ZNF512B: variants seen among roughly 807,000 people sequenced by gnomAD.
ZNF512B encodes the protein zinc finger protein 512B.
In ZNF512B, 22 loss-of-function variants were observed where a neutral mutation model predicts 87.8. The observed-to-expected ratio is 0.25, with a 90% CI of 0.18 to 0.36. ZNF512B has a LOEUF of 0.36. ZNF512B is among the 10% of genes least tolerant of loss of function. The pLI is 1.00. For missense variants in ZNF512B, 1,060 were observed against 1,231.6 expected (o/e 0.86, Z 2.09); for synonymous variants, 524 against 490.9 (o/e 1.07, Z -0.89).
Position 63,960,167 on chromosome 20 carries a change from C to T in ZNF512B, c.2428-28G>A, listed in dbSNP as rs748360532. On this transcript the variant is annotated intron_variant, in intron 16 of 16. Coordinates refer to ENST00000369888, the MANE Select transcript of ZNF512B (RefSeq NM_020713.3). ...GGGGAGAGAAAAGCGCTGATGAAGA[C>T]CTGGGACTGGATGCTGAGCACCTGA... 14 of 1,610,908 alleles carry T rather than the reference C, an allele frequency of 8.7e-6. No homozygotes were observed. The East Asian group carries it at 2.2e-4, about 26-fold the overall frequency.
At chr20:63,964,238 G>A in intron 7 of ZNF512B, 21 bp from the exon 8 acceptor site, 2 of 1,608,294 alleles carry the variant, frequency 1.2e-6, no homozygotes, top group African/African-American at 1.3e-5. Flanking sequence ...ACATGGGGTG[G>A]AGAGAAACAG....
Position 63,958,695 on chromosome 20 carries a change from G to C in ZNF512B, c.*1193C>G, listed in dbSNP as rs1240045013. Reference sequence around the variant, plus strand: ...GACCCCTGCCCTACCTATAGACCCAGCCGTCCTCAGGGCCACAAAGGGGCA... The same window carrying C: ...GACCCCTGCCCTACCTATAGACCCACCCGTCCTCAGGGCCACAAAGGGGCA... On this transcript the variant is annotated 3_prime_UTR_variant, in exon 17 of 17. Coordinates refer to ENST00000369888, the MANE Select transcript of ZNF512B (RefSeq NM_020713.3). The C allele has an allele frequency of 6.6e-6, 1 of 152,260 alleles. No homozygotes were observed. Among genetic ancestry groups the C allele is most frequent in the African/African-American group, 2.4e-5 (1 of 41,426 alleles). 9.4% of individuals were successfully genotyped at this position (152,260 alleles called of 1,614,324 possible).
At chr20:63,960,768 T>C (rs1240413528) in intron 16 of ZNF512B, among the ~76,000 whole-genome samples, 1 of 132,434 alleles carries the variant, frequency 7.6e-6, no homozygotes, top group Admixed American at 7.6e-5. Flanking sequence ...GCAGCAGGGC[T>C]GGACACAGCC....
At chr20:63,968,154 G>A (rs1016509053) in intron 1 of ZNF512B, among the ~76,000 whole-genome samples, 2 of 152,226 alleles carry the variant, frequency 1.3e-5, no homozygotes, top group African/African-American at 4.8e-5. Context: ...GGTCTCCCCA[G>A]ATAACCCAGG....
At position 63,962,389 on chromosome 20, in the gene ZNF512B, G is replaced by A. The variant is rs2058862878; in HGVS notation, c.2164-15C>T. 2 of 1,606,082 alleles carry A rather than the reference G, an allele frequency of 1.2e-6. No homozygotes were observed. The highest frequency in any genetic ancestry group is 1.7e-6 in the Non-Finnish European group (2 of 1,177,476). On this transcript the variant is annotated splice_polypyrimidine_tract_variant and intron_variant, in intron 13 of 16. Coordinates refer to ENST00000369888, the MANE Select transcript of ZNF512B (RefSeq NM_020713.3). Reference sequence around the variant, plus strand: ...GTGTAGTTGAGCTGTGAATTCGACAGCACCAGGGTGAGCCTGAGGCCAGAA... The same window carrying A: ...GTGTAGTTGAGCTGTGAATTCGACAACACCAGGGTGAGCCTGAGGCCAGAA...
Position 63,967,870 on chromosome 20 carries a change from C to G in ZNF512B, c.81G>C (p.Lys27Asn). The change falls in exon 2 of 17, where the codon AAG becomes AAC. Residue 27 changes from lysine (K) to asparagine (N), a missense_variant. Around this residue, in one of 9 missense-constraint regions of ZNF512B, gnomAD observed 134 missense variants for 153.6 expected, o/e 0.87. Coordinates refer to ENST00000369888, the MANE Select transcript of ZNF512B (RefSeq NM_020713.3). Reference sequence around the variant, plus strand: ...CATGCAGCATTGGAAGTCGGACCTCCTTTCGGCTGCCATCCTTCCCGGGAC... The same window carrying G: ...CATGCAGCATTGGAAGTCGGACCTCGTTTCGGCTGCCATCCTTCCCGGGAC... ...KSGPGKDGSR[K>N]EVRLPMLHDP... is the part of the protein sequence containing the mutation. The G allele has an allele frequency of 6.2e-7, 1 of 1,613,500 alleles. No homozygotes were observed. Among genetic ancestry groups the G allele is most frequent in the Non-Finnish European group, 8.5e-7 (1 of 1,179,880 alleles).
In ZNF512B at chr20:63,961,395, C is replaced by T; in HGVS notation, c.2341G>A (p.Ala781Thr). The T allele has an allele frequency of 6.2e-7, 1 of 1,611,956 alleles. No individual in the cohort carries two copies. The highest frequency in any genetic ancestry group is 8.5e-7 in the Non-Finnish European group (1 of 1,179,930). Residue 781 changes from alanine to threonine, a missense_variant, in exon 16 of 17, where the codon GCA becomes ACA. Physicochemically the swap from Ala to Thr is moderately conservative, Grantham distance 58. This residue lies in a region of ZNF512B where 253 missense variants were observed against 259.2 expected (regional missense o/e 0.98). Coordinates refer to ENST00000369888, the MANE Select transcript of ZNF512B (RefSeq NM_020713.3). The surrounding 1 kb of genome is among the most constrained non-coding windows in gnomAD (Gnocchi z 6.4). ...LASCSKGAHL[A>T]GKYRCLLCPK... ...CACAGCAGACAGCGGTACTTCCCTG[C>T]CAGGTGGGCCCCCTGCAATGCATAG...
chr20:63,959,393 G>A lies in ZNF512B; in HGVS notation c.*495C>T, dbSNP rs2058825958. ...AGGGGTCTGTCCTGGGAGGTAGCTG[G>A]GGGTGCTGGAGTTCCAGTGTTGGGT... On this transcript the variant is annotated 3_prime_UTR_variant, in exon 17 of 17. Coordinates refer to ENST00000369888, the MANE Select transcript of ZNF512B (RefSeq NM_020713.3). 6.1e-6 allele frequency: 1 copy of A among 163,810 alleles called. No homozygotes were observed. Among genetic ancestry groups the A allele is most frequent in the Admixed American group, 6.3e-5 (1 of 15,948 alleles). 10.1% of individuals were successfully genotyped at this position (163,810 alleles called of 1,614,324 possible). A position where few individuals can be genotyped will look rare whatever the true frequency, so the allele number is the denominator to read the frequency against.
At position 63,966,541 on chromosome 20, in the gene ZNF512B, T is replaced by TGCCAATGGGTTTGCTGAC. The variant is rs1365967868; in HGVS notation, c.616_633dup (p.Val206_Gly211dup). 6.2e-7 allele frequency: 1 copy of TGCCAATGGGTTTGCTGAC among 1,613,788 alleles called. No individual in the cohort carries two copies. Among genetic ancestry groups the TGCCAATGGGTTTGCTGAC allele is most frequent in the African/African-American group, 1.3e-5 (1 of 74,874 alleles). Reference sequence around the variant, plus strand: ...CTGCCGACCGAGACTGGCTTGCTGATGCCAATGGGTTTGCTGACACCCACA... The same window carrying TGCCAATGGGTTTGCTGAC: ...CTGCCGACCGAGACTGGCTTGCTGATGCCAATGGGTTTGCTGACGCCAATGGGTTTGCTGACACCCACA... On this transcript the variant is annotated inframe_insertion, in exon 5 of 17. Coordinates refer to ENST00000369888, the MANE Select transcript of ZNF512B (RefSeq NM_020713.3).
At chr20:63,962,223 T>C (rs1318045135) in intron 14 of ZNF512B, 50 bp downstream of exon 14, 1 of 1,541,790 alleles carries the variant, frequency 6.5e-7, no homozygotes, top group East Asian at 2.2e-5. Context: ...ACACCCAGGC[T>C]CTGGCCCTGT....
At chr20:63,969,756 G>A (rs1272175517) in intron 1 of ZNF512B, 58 bp downstream of exon 1, 1 of 144,296 alleles carries the variant, frequency 6.9e-6, no homozygotes, top group African/African-American at 2.5e-5. Flanking sequence ...GAGATCCGGG[G>A]CGCGGTGGGC....
At position 63,962,749 on chromosome 20, in the gene ZNF512B, C is replaced by T. The variant is rs1569195045; in HGVS notation, c.2001G>A (p.Glu667=). 2 of 1,603,404 alleles carry T rather than the reference C, an allele frequency of 1.2e-6. No homozygotes were observed. The highest frequency in any genetic ancestry group is 1.7e-6 in the Non-Finnish European group (2 of 1,175,750). Reference sequence around the variant, plus strand: ...GCTCCACACCCAGCGGGTCCTCAGCCTCAGGGGACTTGTCTGTGGGCTCCT... The same window carrying T: ...GCTCCACACCCAGCGGGTCCTCAGCTTCAGGGGACTTGTCTGTGGGCTCCT... ...PPEEPTDKSP[E]AEDPLGVERT... is the part of the protein sequence containing the mutation. The change falls in exon 13 of 17, where the codon GAG becomes GAA. Residue 667 remains glutamate, a synonymous_variant. Transcript: ENST00000369888.
In ZNF512B at chr20:63,967,578, G is replaced by A. The variant is rs1601488043; in HGVS notation, c.122-55C>T. 19 of 1,533,202 alleles carry A rather than the reference G, an allele frequency of 1.2e-5. No individual in the cohort carries two copies. The South Asian group carries it at 1.6e-4, about 13-fold the overall frequency. 95.0% of individuals were successfully genotyped at this position (1,533,202 alleles called of 1,614,324 possible). A position where few individuals can be genotyped will look rare whatever the true frequency, so the allele number is the denominator to read the frequency against. On this transcript the variant is annotated intron_variant, in intron 2 of 16. Coordinates refer to ENST00000369888, the MANE Select transcript of ZNF512B (RefSeq NM_020713.3). Reference sequence around the variant, plus strand: ...AGCTGTGTAGCACCGCCTACCACCGGCGGCTGCACAGGCCCACAGTGAGCA... The same window carrying A: ...AGCTGTGTAGCACCGCCTACCACCGACGGCTGCACAGGCCCACAGTGAGCA...
In ZNF512B at chr20:63,963,927, A is replaced by G; in HGVS notation, c.1481-14T>C. 6.2e-7 allele frequency: 1 copy of G among 1,607,672 alleles called. No individual in the cohort carries two copies. Among genetic ancestry groups the G allele is most frequent in the Non-Finnish European group, 8.5e-7 (1 of 1,179,898 alleles). On this transcript the variant is annotated splice_polypyrimidine_tract_variant and intron_variant, in intron 8 of 16. Transcript: ENST00000369888. ...CTTCAGGGCCACCTGTGGGTAAGGCAGGGGCCTCGAAGGCTTGTGGGGGCT... is the reference window on the plus strand; with the variant it reads ...CTTCAGGGCCACCTGTGGGTAAGGCGGGGGCCTCGAAGGCTTGTGGGGGCT...
In ZNF512B at chr20:63,963,431, C is replaced by T. The variant is rs942789892; in HGVS notation, c.1708G>A (p.Ala570Thr). ...MAEHSAKPSD[A>T]EASEGGEQEE... ...TGCTCGCCCCCTTCGGAGGCCTCGG[C>T]GTCAGAGGGCTGGGGACAGGGTGAG... The change falls in exon 11 of 17, where the codon GCC becomes ACC. Residue 570 changes from alanine (A) to threonine (T), a missense_variant. Coordinates refer to ENST00000369888, the MANE Select transcript of ZNF512B (RefSeq NM_020713.3). 22 of 1,547,808 alleles carry T rather than the reference C, an allele frequency of 1.4e-5. No homozygotes were observed. Among genetic ancestry groups the T allele is most frequent in the Admixed American group, 1.9e-5 (1 of 51,788 alleles).
intron 16 of ZNF512B, among the ~76,000 whole-genome samples, chr20:63,960,721 G>A (rs1601472411): frequency 9.1e-5 from 11 of 120,274 alleles, no homozygotes; most frequent in East Asian, 2.9e-4. Flanking sequence ...GCACCTGCAG[G>A]GGGCTGGACA....
rs956603739 is a variant in ZNF512B, at chr20:63,962,475, CG to C, written c.2164-102del. The C allele has an allele frequency of 1.9e-6, 3 of 1,546,018 alleles. No homozygotes were observed. In the African/African-American group the frequency reaches 4.1e-5, roughly 21 times the overall value. ...AGCAGGCGACACTCGCCGCAGATGG[CG>C]GGGGCAGCGGGTGGCCCAGGTCACA... On this transcript the variant is annotated intron_variant, in intron 13 of 16. Transcript: ENST00000369888.
intron 5 of ZNF512B, 21 bp downstream of exon 5, chr20:63,966,115 CCCCGA>C: frequency 8.5e-7 from 1 of 1,174,366 alleles, no homozygotes; most frequent in Non-Finnish European, 1.2e-6. Context: ...CACTGTTCCT[CCCCGA>C]CCTGGGACGA....
At position 63,966,274 on chromosome 20, in the gene ZNF512B, C is replaced by A; in HGVS notation, c.901G>T (p.Val301Leu). 1 of 1,613,832 alleles carries A rather than the reference C, an allele frequency of 6.2e-7. No individual in the cohort carries two copies. The highest frequency in any genetic ancestry group is 8.5e-7 in the Non-Finnish European group (1 of 1,180,008). Residue 301 changes from valine to leucine, a missense_variant, in exon 5 of 17, where the codon GTG becomes TTG. Physicochemically the swap from Val to Leu is conservative, Grantham distance 32. Transcript: ENST00000369888. ...CTGACTGTCACCGGCTTGCTGACCA[C>A]AATGGGCCTGCTGACTGTCACTGGC... is the stretch of plus-strand genomic sequence containing the variant. The part of the protein sequence containing the change: ...TKPVTVSRPI[V>L]VSKPVTVSRP...
Sources: gnomAD v4.1 joint callset for allele counts (sites outside exome capture counted in the v4.1 genomes callset) on GRCh38, gnomAD v4.1.1 for gene constraint, gnomAD v4.1.1 regional missense constraint, Gnocchi (gnomAD v3.1) non-coding constraint, MANE v1.5 for transcripts, NCBI Gene and HGNC (gene_info 2026-07-23, HGNC 2026-07-21) for gene names.